NFIC: variants seen among roughly 807,000 people sequenced by gnomAD.
NFIC encodes the protein nuclear factor I C.
A neutral mutation model predicts 54.4 loss-of-function variants in NFIC; 12 were observed. That is an observed-to-expected ratio of 0.22 (90% CI 0.14 to 0.36). The LOEUF (loss-of-function observed/expected upper bound fraction) is 0.36. Ranked by LOEUF, NFIC falls within the 10% of genes least tolerant of loss-of-function variation. The probability of loss-of-function intolerance (pLI) is 1.00; values close to 1 mark genes in which losing one functional copy is unlikely to be tolerated. For missense variants in NFIC, 575 were observed against 718.2 expected (o/e 0.80, Z 2.28); for synonymous variants, 322 against 319.2 (o/e 1.01, Z -0.09).
chr19:3,391,796 C>A (rs1010354238), intron 2 of NFIC, among the ~76,000 whole-genome samples: 4 of 149,160 alleles, frequency 2.7e-5, no homozygotes, highest in Non-Finnish European at 5.9e-5. Flanking sequence ...GACTCCGTTT[C>A]AAAAAAAAAT....
chr19:3,372,130 C>T (rs1012523232), intron 1 of NFIC, among the ~76,000 whole-genome samples: 1 of 151,506 alleles, frequency 6.6e-6, no homozygotes, highest in Admixed American at 6.6e-5. Flanking sequence ...ACGCGATTCT[C>T]CTACCTCAGC....
intron 1 of NFIC, among the ~76,000 whole-genome samples, chr19:3,368,424 C>A (rs1345009716): frequency 2.0e-5 from 3 of 152,138 alleles, no homozygotes; most frequent in South Asian, 2.1e-4. Context: ...AGGAACAGGG[C>A]AAGGACCAGC....
intron 1 of NFIC, among the ~76,000 whole-genome samples, chr19:3,376,550 C>T (rs2145454720): frequency 6.6e-6 from 1 of 150,850 alleles, no homozygotes; most frequent in Admixed American, 6.6e-5. Context: ...CAAGGCAACA[C>T]AGTGAGTGAG....
intron 9 of NFIC, chr19:3,454,223 C>T (rs2082516539): frequency 1.7e-6 from 2 of 1,205,692 alleles, no homozygotes; most frequent in Non-Finnish European, 2.1e-6. Context: ...GTATGTCAGG[C>T]AGCTGACAGT....
intron 3 of NFIC, among the ~76,000 whole-genome samples, chr19:3,430,735 C>T (rs1176735234): frequency 2.0e-5 from 3 of 151,786 alleles, no homozygotes; most frequent in Non-Finnish European, 4.4e-5. Context: ...AGTTCGAGAC[C>T]AGCCGGACCA....
rs556550532 is a variant in NFIC, at chr19:3,389,466, G to C, written c.562+7223G>C. On this transcript the variant is annotated intron_variant, in intron 2 of 10. Coordinates refer to ENST00000443272, the MANE Select transcript of NFIC (RefSeq NM_001245002.2). ...TTATTGATCTTCATCCCGGTTGTGG[G>C]TGCTGCACTGGGGAGACAGGCCATG... Among the ~76,000 whole-genome samples, 4 of 152,300 alleles carry C rather than the reference G, an allele frequency of 2.6e-5. No homozygotes were observed. The South Asian group carries it at 8.3e-4, about 32-fold the overall frequency.
chr19:3,456,115 C>G (rs2082550395), intron 9 of NFIC, among the ~76,000 whole-genome samples: 1 of 152,242 alleles, frequency 6.6e-6, no homozygotes, highest in Non-Finnish European at 1.5e-5. Context: ...TATGCACACA[C>G]CCAGCCCTCC....
chr19:3,424,130 C>T (rs150829630), intron 2 of NFIC, among the ~76,000 whole-genome samples: 8 of 152,012 alleles, frequency 5.3e-5, no homozygotes, highest in South Asian at 2.1e-4. Flanking sequence ...CGGGTTCAAG[C>T]GATTCTCCTG....
chr19:3,380,309 CTTTTTTTTTTTTT>C (rs529220524), intron 1 of NFIC, among the ~76,000 whole-genome samples: 2 of 65,148 alleles, frequency 3.1e-5, no homozygotes, highest in South Asian at 6.8e-4. Context: ...CAGCCTTGTT[CTTTTTTTTTTTTT>C]TTTTTTTTTT....
chr19:3,390,574 GGAT>G (rs1465894090), intron 2 of NFIC, among the ~76,000 whole-genome samples: 1 of 152,152 alleles, frequency 6.6e-6, no homozygotes, highest in Non-Finnish European at 1.5e-5. Context: ...CATCAAATGG[GGAT>G]GATAATAATC....
intron 3 of NFIC, among the ~76,000 whole-genome samples, chr19:3,430,252 T>C (rs1043778172): frequency 6.6e-6 from 1 of 151,970 alleles, no homozygotes; most frequent in Non-Finnish European, 1.5e-5. Flanking sequence ...TTCTTTTTTT[T>C]TTTTTTTACC....
At position 3,453,419 on chromosome 19, in the gene NFIC, C is replaced by T. The variant is rs1599721393; in HGVS notation, c.1270-344C>T. ...GGATGATGGTGGATGATGGCGTGCT[C>T]GCAGTGAATTAGGAAAAACGCGGAG... is the stretch of plus-strand genomic sequence containing the variant. On this transcript the variant is annotated intron_variant, in intron 8 of 10. Coordinates refer to ENST00000443272, the MANE Select transcript of NFIC (RefSeq NM_001245002.2). This position sits in a 1 kb window ranked among gnomAD's most constrained non-coding sequence, Gnocchi z 6.7. Among the ~76,000 whole-genome samples, 2 of 152,238 alleles carry T rather than the reference C, an allele frequency of 1.3e-5. No homozygotes were observed. The highest frequency in any genetic ancestry group is 2.1e-4 in the South Asian group (1 of 4,824).
intron 2 of NFIC, 90 bp downstream of exon 2, chr19:3,382,333 A>T: frequency 2.0e-6 from 3 of 1,505,126 alleles, no homozygotes; most frequent in Non-Finnish European, 2.7e-6. Context: ...GGAGGAGGCC[A>T]GTGCGTGTGG....
chr19:3,432,052 A>G (rs144889733), intron 3 of NFIC, among the ~76,000 whole-genome samples: 22 of 152,260 alleles, frequency 1.4e-4, no homozygotes, highest in African/African-American at 5.3e-4. Context: ...GGCCCAGCTC[A>G]GAATCAGACA....
chr19:3,368,913 C>CTGTGTG (rs59920512), intron 1 of NFIC, among the ~76,000 whole-genome samples: 12,853 of 146,922 alleles, frequency 0.087, 616 homozygotes, highest in South Asian at 0.13. Flanking sequence ...TGCTCTGACT[C>CTGTGTG]TGTGTGTGTG....
chr19:3,439,012 C>T (rs760953459), intron 6 of NFIC, among the ~76,000 whole-genome samples: 3 of 151,974 alleles, frequency 2.0e-5, no homozygotes, highest in Non-Finnish European at 4.4e-5. Context: ...GTGAGGAGCT[C>T]GGGCAACTGG....
In NFIC at chr19:3,369,255, C is replaced by T. The variant is rs2080954405; in HGVS notation, c.30+2589C>T. Among the ~76,000 whole-genome samples, 1 of 151,840 alleles carries T rather than the reference C, an allele frequency of 6.6e-6. No individual in the cohort carries two copies. Among genetic ancestry groups the T allele is most frequent in the Admixed American group, 6.6e-5 (1 of 15,224 alleles). On this transcript the variant is annotated intron_variant, in intron 1 of 10. Transcript: ENST00000443272. This position sits in a 1 kb window ranked among gnomAD's most constrained non-coding sequence, Gnocchi z 4.3. ...CCCCTTCCTCTCTGTCTCTGTTTCT[C>T]TCCAATATGTCTGTCTGTCTCTTCA...
chr19:3,360,811 G>A (rs1312760048), intron 1 of NFIC, among the ~76,000 whole-genome samples: 1 of 152,246 alleles, frequency 6.6e-6, no homozygotes, highest in Non-Finnish European at 1.5e-5. Flanking sequence ...CTGGGTGACC[G>A]TGGGGTGTCC....
chr19:3,395,488 G>T (rs2081447409), intron 2 of NFIC, among the ~76,000 whole-genome samples: 1 of 129,808 alleles, frequency 7.7e-6, no homozygotes, highest in African/African-American at 2.8e-5. Flanking sequence ...TACCACCATG[G>T]TTGATTTTTT....
Sources: allele counts gnomAD v4.1 joint callset (sites outside exome capture counted in the v4.1 genomes callset), GRCh38; gene constraint gnomAD v4.1.1; non-coding constraint Gnocchi (gnomAD v3.1); transcripts MANE v1.5; gene names NCBI Gene and HGNC (gene_info 2026-07-23, HGNC 2026-07-21).